EHBP1: variants seen among roughly 807,000 people sequenced by gnomAD.
The protein encoded by EHBP1 is EH domain-binding protein 1.
In EHBP1, 55 loss-of-function variants were observed where a neutral mutation model predicts 144.0. The observed-to-expected ratio is 0.38, with a 90% confidence interval of 0.31 to 0.48. EHBP1 has a LOEUF of 0.48. EHBP1 is among the 20% of genes least tolerant of loss of function. The pLI is 0.98. For synonymous variants in EHBP1, 469 were observed against 472.7 expected (o/e 0.99, Z 0.10); for missense variants, 1,200 against 1,364.2 (o/e 0.88, Z 1.90).
intron 15 of EHBP1, among the ~76,000 whole-genome samples, chr2:62,982,600 A>G (rs979957413): frequency 6.6e-6 from 1 of 152,212 alleles, no homozygotes; most frequent in Non-Finnish European, 1.5e-5. Flanking sequence ...GCTAAGGAGT[A>G]GTGTGAAAGG....
chr2:62,929,058 A>G (rs1466149591), intron 10 of EHBP1, among the ~76,000 whole-genome samples: 2 of 152,308 alleles, frequency 1.3e-5, no homozygotes, highest in East Asian at 3.9e-4. Flanking sequence ...ATATGCATAG[A>G]GCTCTAATTC....
chr2:62,790,524 A>G (rs2043101336), intron 5 of EHBP1, among the ~76,000 whole-genome samples: 1 of 152,160 alleles, frequency 6.6e-6, no homozygotes, highest in South Asian at 2.1e-4. Flanking sequence ...AAATAGTGTT[A>G]CTTTATATAA....
At chr2:62,934,081 A>G (rs1457782401) in intron 10 of EHBP1, among the ~76,000 whole-genome samples, 1 of 152,194 alleles carries the variant, frequency 6.6e-6, no homozygotes, top group African/African-American at 2.4e-5. Context: ...ATGCATTTCT[A>G]TAGGATATAA....
At chr2:62,791,044 C>A (rs2043136834) in intron 5 of EHBP1, among the ~76,000 whole-genome samples, 1 of 151,950 alleles carries the variant, frequency 6.6e-6, no homozygotes, top group Non-Finnish European at 1.5e-5. Context: ...ACTTAGAAAT[C>A]ATAAAATTCT....
chr2:62,835,994 C>T (rs1343593859), intron 7 of EHBP1, among the ~76,000 whole-genome samples: 4 of 151,812 alleles, frequency 2.6e-5, no homozygotes, highest in Non-Finnish European at 5.9e-5. Flanking sequence ...CCCACCACAG[C>T]TCAAGGAGGC....
Position 62,955,678 on chromosome 2 carries a change from A to G in EHBP1, c.2460+18A>G. 1 of 1,594,594 alleles carries G rather than the reference A, an allele frequency of 6.3e-7. No individual in the cohort carries two copies. The highest frequency in any genetic ancestry group is 1.2e-5 in the South Asian group (1 of 86,702). On this transcript the variant is annotated intron_variant, in intron 14 of 22. Transcript: ENST00000431489. Reference sequence around the variant, plus strand: ...TAAGTGATGTGAGGAGCATTGGTTAAAAAAGACCATAAGTTGTTCATTGTA... The same window carrying G: ...TAAGTGATGTGAGGAGCATTGGTTAGAAAAGACCATAAGTTGTTCATTGTA...
chr2:62,978,003 G>A (rs534846370), intron 14 of EHBP1, among the ~76,000 whole-genome samples: 1 of 152,174 alleles, frequency 6.6e-6, no homozygotes, highest in East Asian at 1.9e-4. Flanking sequence ...GAAGCTACAT[G>A]ATACAAACAA....
chr2:62,701,005 C>G (rs924469352), upstream of EHBP1, among the ~76,000 whole-genome samples: 4 of 152,140 alleles, frequency 2.6e-5, no homozygotes, highest in African/African-American at 9.7e-5. Flanking sequence ...GCCCTTCTCC[C>G]AAGTTTGTGC....
At chr2:62,757,430 T>TC (rs1558619735) in intron 3 of EHBP1, among the ~76,000 whole-genome samples, 3 of 143,834 alleles carry the variant, frequency 2.1e-5, no homozygotes, top group African/African-American at 7.7e-5. Context: ...TTTTTTCTTT[T>TC]TTTTTTTTTT....
At chr2:63,017,440 C>T (rs746139842) in intron 19 of EHBP1, among the ~76,000 whole-genome samples, 6 of 152,172 alleles carry the variant, frequency 3.9e-5, no homozygotes, top group Non-Finnish European at 7.3e-5. Flanking sequence ...TATAGTCACA[C>T]TAAGTCAAAG....
intron 10 of EHBP1, among the ~76,000 whole-genome samples, chr2:62,897,580 G>A (rs1427552833): frequency 1.3e-5 from 2 of 152,104 alleles, no homozygotes; most frequent in Admixed American, 6.6e-5. Flanking sequence ...TTAGTTATGT[G>A]TTTCAAATTT....
At chr2:62,846,455 A>G (rs1378287088) in intron 7 of EHBP1, among the ~76,000 whole-genome samples, 2 of 152,232 alleles carry the variant, frequency 1.3e-5, no homozygotes, top group South Asian at 2.1e-4. Context: ...ATTCAATGCC[A>G]AGTTTCTTAG....
At chr2:62,835,954 A>G (rs1311011610) in intron 7 of EHBP1, among the ~76,000 whole-genome samples, 2 of 151,542 alleles carry the variant, frequency 1.3e-5, no homozygotes, top group Admixed American at 6.6e-5. Context: ...TAGGTAAACA[A>G]AGCGGCCCGG....
At chr2:62,729,523 AATATAATAT>A (rs1407077396) in intron 2 of EHBP1, among the ~76,000 whole-genome samples, 72 of 91,868 alleles carry the variant, frequency 7.8e-4, no homozygotes, top group Non-Finnish European at 1.4e-3. Flanking sequence ...AAAATAAATA[AATATAATAT>A]ATATAATATA....
At chr2:62,865,978 T>A (rs924795025) in intron 9 of EHBP1, among the ~76,000 whole-genome samples, 1 of 152,156 alleles carries the variant, frequency 6.6e-6, no homozygotes, top group Non-Finnish European at 1.5e-5. Context: ...CCCTCCTGAG[T>A]CTTTAGCTGA....
At chr2:62,716,676 G>A (rs1374546111) in intron 2 of EHBP1, among the ~76,000 whole-genome samples, 1 of 152,178 alleles carries the variant, frequency 6.6e-6, no homozygotes, top group Non-Finnish European at 1.5e-5. Flanking sequence ...CGGAGTTGAT[G>A]CAGTTGTCTT....
At chr2:62,725,893 C>T (rs1459989216) in intron 2 of EHBP1, among the ~76,000 whole-genome samples, 3 of 152,064 alleles carry the variant, frequency 2.0e-5, no homozygotes, top group Non-Finnish European at 4.4e-5. Context: ...CCTGCTGGAG[C>T]TCTCCACCAG....
chr2:62,773,871 AAAAAAAAAAAAAAAG>A (rs1232298103), intron 5 of EHBP1, among the ~76,000 whole-genome samples: 151 of 127,602 alleles, frequency 1.2e-3, no homozygotes, highest in Non-Finnish European at 2.2e-3. Context: ...AAAAAAAAAA[AAAAAAAAAAAAAAAG>A]AGAGAGAGAA....
intron 1 of EHBP1, chr2:62,706,373 C>T (rs1281753018): frequency 6.6e-6 from 1 of 152,282 alleles, no homozygotes; most frequent in Non-Finnish European, 1.5e-5. Flanking sequence ...ATTGCCCTCT[C>T]TCTGCCTGGA....
Sources: allele counts gnomAD v4.1 joint callset (sites outside exome capture counted in the v4.1 genomes callset), GRCh38; gene constraint gnomAD v4.1.1; transcripts MANE v1.5; gene names NCBI Gene and HGNC (gene_info 2026-07-23, HGNC 2026-07-21).